EHD4: variants seen among roughly 807,000 people sequenced by gnomAD.
The protein encoded by EHD4 is EH domain containing 4.
A neutral mutation model predicts 51.0 loss-of-function variants in EHD4; 37 were observed. That is an observed-to-expected ratio of 0.73 (90% CI 0.56 to 0.95). EHD4 has a LOEUF of 0.95. Ranked by LOEUF, EHD4 falls within the 40% of genes least tolerant of loss-of-function variation. The pLI, the probability that EHD4 is intolerant of heterozygous loss-of-function variation, is 0.00. For missense variants in EHD4, 632 were observed against 733.1 expected, an observed-to-expected ratio of 0.86 and a Z score of 1.59; for synonymous variants, 297 against 317.3, an observed-to-expected ratio of 0.94 and a Z score of 0.68.
At chr15:41,927,734 T>G (rs1234531752) in intron 3 of EHD4, among the ~76,000 whole-genome samples, 6 of 152,306 alleles carry the variant, frequency 3.9e-5, no homozygotes, top group African/African-American at 1.4e-4. Context: ...AAAATTTCAG[T>G]TAGGCAAGAT....
intron 3 of EHD4, among the ~76,000 whole-genome samples, chr15:41,940,472 G>A (rs2067762273): frequency 6.6e-6 from 1 of 152,208 alleles, no homozygotes; most frequent in African/African-American, 2.4e-5. Context: ...GGGTTAGTGT[G>A]TTGAAAATGT....
chr15:41,902,971 G>C (rs961063088), intron 5 of EHD4, among the ~76,000 whole-genome samples: 1 of 151,564 alleles, frequency 6.6e-6, no homozygotes, highest in Non-Finnish European at 1.5e-5. Flanking sequence ...TGTCTAAGGA[G>C]AGAAAACACT....
At chr15:41,945,725 A>G (rs1218005000) in intron 2 of EHD4, among the ~76,000 whole-genome samples, 2 of 152,226 alleles carry the variant, frequency 1.3e-5, no homozygotes, top group Non-Finnish European at 2.9e-5. Flanking sequence ...GATCAGAAAA[A>G]ATCCTAATGG....
chr15:41,962,723 G>A (rs1024410577), intron 1 of EHD4, among the ~76,000 whole-genome samples: 27 of 152,104 alleles, frequency 1.8e-4, no homozygotes, highest in African/African-American at 4.3e-4. Flanking sequence ...GGTGGGGGGC[G>A]CCTCTGCCCA....
intron 4 of EHD4, among the ~76,000 whole-genome samples, chr15:41,918,865 A>G (rs2067603131): frequency 6.6e-6 from 1 of 152,222 alleles, no homozygotes; most frequent in Non-Finnish European, 1.5e-5. Flanking sequence ...ACATCCTAAC[A>G]GCTACCATGT....
chr15:41,969,438 C>G (rs763479502), intron 1 of EHD4, among the ~76,000 whole-genome samples: 1 of 151,984 alleles, frequency 6.6e-6, no homozygotes, highest in Non-Finnish European at 1.5e-5. Context: ...CCCAGCTACT[C>G]GGGAGGCTGA....
chr15:41,910,558 C>T (rs1314150073), intron 4 of EHD4, among the ~76,000 whole-genome samples: 1 of 151,168 alleles, frequency 6.6e-6, no homozygotes, highest in Non-Finnish European at 1.5e-5. Context: ...ATGTTCACTA[C>T]AAAAGTTCTC....
Position 41,911,957 on chromosome 15 carries a change from CA to C in EHD4, c.925-2095del, listed in dbSNP as rs2067552768. ...CTGCCGCCCACCCCCCGAGGTTGGG[CA>C]CACTGTTCCTGAACACTCCCTGGTG... On this transcript the variant is annotated intron_variant, in intron 4 of 5. Transcript: ENST00000220325. 2.0e-5 allele frequency among the ~76,000 whole-genome samples: 3 copies of C among 152,306 alleles called. No individual in the cohort carries two copies. In the South Asian group the frequency reaches 6.2e-4, roughly 32 times the overall value.
In EHD4 at chr15:41,964,768, A is replaced by T. The variant is rs988287448; in HGVS notation, c.236+7491T>A. Among the ~76,000 whole-genome samples the T allele has an allele frequency of 9.6e-3, 822 of 85,636 alleles. 3 individuals carry two copies. Among genetic ancestry groups the T allele is most frequent in the Non-Finnish European group, 0.015 (422 of 28,258 alleles). 56.2% of individuals were successfully genotyped at this position (85,636 alleles called of 152,430 possible). A position where few individuals can be genotyped will look rare whatever the true frequency, so the allele number is the denominator to read the frequency against. On this transcript the variant is annotated intron_variant, in intron 1 of 5. Transcript: ENST00000220325. ...GAATATATATAAGCCTGAAAAAAAA[A>T]AAAAATATATATATATATTTTGAGA...
chr15:41,912,307 G>C (rs1298289645), intron 4 of EHD4, among the ~76,000 whole-genome samples: 1 of 152,104 alleles, frequency 6.6e-6, no homozygotes, highest in African/African-American at 2.4e-5. Context: ...CTCCTGTTAC[G>C]CTGCCTCTGC....
Position 41,970,823 on chromosome 15 carries a change from C to A in EHD4, c.236+1436G>T, listed in dbSNP as rs188358837. On this transcript the variant is annotated intron_variant, in intron 1 of 5. Coordinates refer to ENST00000220325, the MANE Select transcript of EHD4 (RefSeq NM_139265.4). Reference sequence around the variant, plus strand: ...AACAGTACCGCTTCCCACTCTTGTACCACTTGGCCATAACACTTTATTATC... The same window carrying A: ...AACAGTACCGCTTCCCACTCTTGTAACACTTGGCCATAACACTTTATTATC... Among the ~76,000 whole-genome samples the A allele has an allele frequency of 6.8e-4, 103 of 152,334 alleles. 1 individual carries two copies. The highest frequency in any genetic ancestry group is 3.4e-3 in the Middle Eastern group (1 of 294).
chr15:41,969,260 T>A (rs2067980992), intron 1 of EHD4, among the ~76,000 whole-genome samples: 1 of 152,096 alleles, frequency 6.6e-6, no homozygotes. Flanking sequence ...AAATGTGTAG[T>A]TTGGGATGGG....
At chr15:41,928,545 T>G (rs142457329) in intron 3 of EHD4, 4 of 152,346 alleles carry the variant, frequency 2.6e-5, no homozygotes, top group African/African-American at 9.6e-5. Context: ...ATTTGTGGTT[T>G]CCTAAGTGTT....
At chr15:41,926,786 C>T (rs1298720044) in intron 3 of EHD4, among the ~76,000 whole-genome samples, 1 of 152,252 alleles carries the variant, frequency 6.6e-6, no homozygotes, top group African/African-American at 2.4e-5. Flanking sequence ...CTGGGCTCTG[C>T]TGTTCCGCAG....
At chr15:41,953,294 C>T (rs1329390363) in intron 2 of EHD4, among the ~76,000 whole-genome samples, 1 of 152,188 alleles carries the variant, frequency 6.6e-6, no homozygotes, top group Non-Finnish European at 1.5e-5. Context: ...TGACGAGGAG[C>T]TCACTGCCTC....
intron 3 of EHD4, among the ~76,000 whole-genome samples, chr15:41,935,912 T>C (rs148210872): frequency 2.0e-4 from 30 of 152,302 alleles, no homozygotes; most frequent in African/African-American, 7.0e-4. Context: ...GATGGCCCCT[T>C]TACTCACATC....
At chr15:41,965,461 T>C (rs2067955748) in intron 1 of EHD4, among the ~76,000 whole-genome samples, 2 of 152,224 alleles carry the variant, frequency 1.3e-5, no homozygotes, top group South Asian at 4.1e-4. Flanking sequence ...CTTTTCTGGG[T>C]TGAGGCTAGC....
intron 3 of EHD4, among the ~76,000 whole-genome samples, chr15:41,936,591 G>T (rs2067733224): frequency 6.6e-6 from 1 of 152,214 alleles, no homozygotes; most frequent in South Asian, 2.1e-4. Context: ...CAAAGTAAGT[G>T]AAGTGTCCTT....
intron 3 of EHD4, among the ~76,000 whole-genome samples, chr15:41,937,797 C>G (rs561922001): frequency 1.1e-4 from 16 of 152,212 alleles, no homozygotes; most frequent in African/African-American, 3.4e-4. Context: ...TTTTCTGCAC[C>G]CCTCTTAGTC....
Sources: gnomAD v4.1 joint callset for allele counts (sites outside exome capture counted in the v4.1 genomes callset) on GRCh38, gnomAD v4.1.1 for gene constraint, MANE v1.5 for transcripts, NCBI Gene and HGNC (gene_info 2026-07-23, HGNC 2026-07-21) for gene names.